Variants in CEP350 observed in about 807,000 individuals in gnomAD.
The protein encoded by CEP350 is centrosome-associated protein 350.
CEP350 carries 126 observed loss-of-function variants against 331.8 expected under a neutral mutation model. The observed-to-expected ratio is 0.38, with a 90% CI of 0.33 to 0.44. CEP350 has a LOEUF of 0.44. Ranked by LOEUF, CEP350 falls within the 20% of genes least tolerant of loss-of-function variation. The probability of loss-of-function intolerance (pLI) is 1.00; values close to 1 mark genes in which losing one functional copy is unlikely to be tolerated. For missense variants in CEP350, 3,406 were observed against 3,634.6 expected (o/e 0.94, Z 1.62); for synonymous variants, 1,200 against 1,259.5 (o/e 0.95, Z 1.00).
At chr1:180,071,503 G>A (rs910296374) in intron 27 of CEP350, among the ~76,000 whole-genome samples, 2 of 148,094 alleles carry the variant, frequency 1.4e-5, no homozygotes, top group South Asian at 2.2e-4. Context: ...TAAGCTGTGC[G>A]CGGTGGCTCA....
At chr1:180,027,861 G>A (rs2148864588) in intron 14 of CEP350, among the ~76,000 whole-genome samples, 1 of 152,180 alleles carries the variant, frequency 6.6e-6, no homozygotes, top group Non-Finnish European at 1.5e-5. Context: ...ATAAGATAAT[G>A]GGGCAAATAA....
chr1:180,021,996 A>G (rs1408933704), intron 12 of CEP350, among the ~76,000 whole-genome samples: 2 of 152,108 alleles, frequency 1.3e-5, no homozygotes, highest in South Asian at 2.1e-4. Flanking sequence ...TACTAACATT[A>G]TCTTAGAATT....
intron 22 of CEP350, among the ~76,000 whole-genome samples, chr1:180,050,723 A>C (rs527899173): frequency 6.6e-6 from 1 of 151,876 alleles, no homozygotes; most frequent in South Asian, 2.1e-4. Flanking sequence ...AAAACAACTC[A>C]ATTTTACAAA....
chr1:179,969,594 A>G (rs531350895), intron 1 of CEP350: 27 of 311,686 alleles, frequency 8.7e-5, no homozygotes, highest in African/African-American at 5.7e-4. Context: ...GACAAAAACA[A>G]ATTATTTCTT....
At chr1:180,029,500 G>A (rs1325345198) in intron 14 of CEP350, among the ~76,000 whole-genome samples, 2 of 152,140 alleles carry the variant, frequency 1.3e-5, no homozygotes, top group African/African-American at 4.8e-5. Flanking sequence ...TCTGTTTTAA[G>A]TGTACAGTTG....
intron 1 of CEP350, among the ~76,000 whole-genome samples, chr1:179,970,732 C>G (rs1249638686): frequency 6.6e-6 from 1 of 152,174 alleles, no homozygotes; most frequent in Non-Finnish European, 1.5e-5. Flanking sequence ...AAAACACTGT[C>G]AATACATGTG....
Position 179,997,083 on chromosome 1 carries a change from T to TG in CEP350, c.926_927insG (p.Ile309MetfsTer2). 1 of 1,614,034 alleles carries TG rather than the reference T, an allele frequency of 6.2e-7. No individual in the cohort carries two copies. Among genetic ancestry groups the TG allele is most frequent in the Admixed American group, 1.7e-5 (1 of 60,030 alleles). On this transcript the variant is annotated frameshift_variant, in exon 6 of 38. Coordinates refer to ENST00000367607, the MANE Select transcript of CEP350 (RefSeq NM_014810.5). LOFTEE classifies it high-confidence loss of function. ...GGCCGGGGCCAGAAGCTGGGTCATA[T>TG]TGACCATCCAGTAATGGTTGTTAAT... is the stretch of plus-strand genomic sequence containing the variant.
At chr1:180,098,758 T>A in intron 36 of CEP350, 105 bp from the exon 37 acceptor site, 1 of 884,268 alleles carries the variant, frequency 1.1e-6, no homozygotes, top group Middle Eastern at 3.6e-4. Flanking sequence ...ATAATTTTAT[T>A]GTAAATATTA....
chr1:180,084,836 C>T (rs894121531), intron 31 of CEP350, among the ~76,000 whole-genome samples: 7 of 152,014 alleles, frequency 4.6e-5, no homozygotes, highest in Non-Finnish European at 1.0e-4. Flanking sequence ...TGAATAGCCA[C>T]TGCATTCCAG....
In CEP350 at chr1:180,041,748, T is replaced by C. The variant is rs753963578; in HGVS notation, c.4308T>C (p.Ala1436=). The C allele has an allele frequency of 1.9e-6, 3 of 1,613,098 alleles. No homozygotes were observed. The highest frequency in any genetic ancestry group is 1.7e-6 in the Non-Finnish European group (2 of 1,179,546). ...VLQEATCKIA[A]QQSETARLTT... is the part of the protein sequence containing the mutation. Reference sequence around the variant, plus strand: ...AGGAAGCAACGTGTAAAATAGCAGCTCAGCAGTCAGAAACTGCTCGCCTCA... The same window carrying C: ...AGGAAGCAACGTGTAAAATAGCAGCCCAGCAGTCAGAAACTGCTCGCCTCA... Residue 1436 remains alanine, a synonymous_variant, in exon 19 of 38, where the codon GCT becomes GCC. Transcript: ENST00000367607.
rs1372366369 is a variant in CEP350, at chr1:179,986,188, A to G, written c.7A>G (p.Ser3Gly). 1.9e-6 allele frequency: 3 copies of G among 1,551,284 alleles called. No individual in the cohort carries two copies. The highest frequency in any genetic ancestry group is 2.6e-6 in the Non-Finnish European group (3 of 1,146,698). MR[S>G]SKSKEVPLPN... is the part of the protein sequence containing the mutation. ...TTGCAGGTAAATTGGCAGGATGAGGAGCAGCAAATCAAAAGAGGTGCCTTT... is the reference window on the plus strand; with the variant it reads ...TTGCAGGTAAATTGGCAGGATGAGGGGCAGCAAATCAAAAGAGGTGCCTTT... The change falls in exon 2 of 38, where the codon AGC becomes GGC. Residue 3 changes from serine (S) to glycine (G), a missense_variant. Physicochemically the swap from Ser to Gly is moderately conservative, Grantham distance 56. Around this residue, in one of 5 missense-constraint regions of CEP350, gnomAD observed 1,857 missense variants for 1,909.2 expected, o/e 0.97. Transcript: ENST00000367607.
At chr1:180,104,494 A>G (rs1021015158) in intron 37 of CEP350, among the ~76,000 whole-genome samples, 1 of 152,102 alleles carries the variant, frequency 6.6e-6, no homozygotes, top group Non-Finnish European at 1.5e-5. Flanking sequence ...ATAAACCCCA[A>G]AGTTCTCTCA....
chr1:180,048,480 C>T, intron 21 of CEP350, 56 bp from the exon 22 acceptor site: 1 of 1,152,832 alleles, frequency 8.7e-7, no homozygotes, highest in East Asian at 2.4e-5. Context: ...TACTTTGAAG[C>T]TATAATCCTT....
rs1486939777 is a variant in CEP350, at chr1:180,111,038, T to C, written c.9231T>C (p.Tyr3077=). Residue 3077 remains tyrosine, a synonymous_variant, in exon 38 of 38, where the codon TAT becomes TAC. Coordinates refer to ENST00000367607, the MANE Select transcript of CEP350 (RefSeq NM_014810.5). ...LHEEEAQWVN[Y]DEDELCVKMQ... ...AGGAGGAGGCACAGTGGGTGAACTATGATGAGGATGAGTTGTGTGTGAAAA... is the reference window on the plus strand; with the variant it reads ...AGGAGGAGGCACAGTGGGTGAACTACGATGAGGATGAGTTGTGTGTGAAAA... 3 of 1,613,956 alleles carry C rather than the reference T, an allele frequency of 1.9e-6. No homozygotes were observed. The highest frequency in any genetic ancestry group is 1.6e-4 in the Middle Eastern group (1 of 6,062).
At chr1:180,038,859 T>A (rs1656552266) in intron 17 of CEP350, among the ~76,000 whole-genome samples, 1 of 152,220 alleles carries the variant, frequency 6.6e-6, no homozygotes, top group East Asian at 1.9e-4. Flanking sequence ...AATAGAAGTT[T>A]TAAATTTTGA....
chr1:179,960,389 G>A (rs80098985), intron 1 of CEP350, among the ~76,000 whole-genome samples: 18,195 of 152,146 alleles, frequency 0.12, 1,170 homozygotes, highest in South Asian at 0.16. Flanking sequence ...AAATTGTGAA[G>A]AAATGATATT....
At chr1:180,096,813 T>C (rs777294424) in intron 36 of CEP350, among the ~76,000 whole-genome samples, 16 of 152,238 alleles carry the variant, frequency 1.1e-4, no homozygotes, top group Non-Finnish European at 2.2e-4. Context: ...CCTAGTCACA[T>C]GTTTCTTTAC....
intron 17 of CEP350, 157 bp downstream of exon 17, chr1:180,037,246 A>G (rs1268584580): frequency 1.6e-5 from 8 of 487,132 alleles, no homozygotes; most frequent in South Asian, 6.6e-5. Flanking sequence ...CTGTCGGGAC[A>G]CTAAAAAGAT....
At chr1:180,094,847 G>A (rs1383396501) in intron 34 of CEP350, among the ~76,000 whole-genome samples, 2 of 151,996 alleles carry the variant, frequency 1.3e-5, no homozygotes, top group African/African-American at 4.8e-5. Flanking sequence ...GTCAATATAG[G>A]GTTGTCACAA....
Sources: gnomAD v4.1 joint callset for allele counts (sites outside exome capture counted in the v4.1 genomes callset) on GRCh38, gnomAD v4.1.1 for gene constraint, gnomAD v4.1.1 regional missense constraint, MANE v1.5 for transcripts, NCBI Gene and HGNC (gene_info 2026-07-23, HGNC 2026-07-21) for gene names.